The following DLGAP1 variants were observed in gnomAD, a reference collection of about 807,000 sequenced individuals.
DLGAP1 encodes the protein DLG associated protein 1.
Under a neutral mutation model 90.8 loss-of-function variants are expected in DLGAP1, and 11 were observed. The ratio of observed to expected loss-of-function variants is 0.12; its 90% CI spans 0.08 to 0.20. The LOEUF is 0.20. Ranked by LOEUF, DLGAP1 falls within the 10% of genes least tolerant of loss-of-function variation. DLGAP1 has a pLI of 1.00. For synonymous variants in DLGAP1, 558 were observed against 540.7 expected, an observed-to-expected ratio of 1.03 and a Z score of -0.44; for missense variants, 1,050 against 1,333.8, an observed-to-expected ratio of 0.79 and a Z score of 3.31.
At chr18:4,350,745 T>C (rs2081387882) in intron 1 of DLGAP1, among the ~76,000 whole-genome samples, 1 of 152,224 alleles carries the variant, frequency 6.6e-6, no homozygotes, top group Non-Finnish European at 1.5e-5. Flanking sequence ...TTTTGACTTT[T>C]ATTCTATTCT....
chr18:3,561,699 T>C (rs981678992), intron 9 of DLGAP1, among the ~76,000 whole-genome samples: 1 of 151,044 alleles, frequency 6.6e-6, no homozygotes, highest in African/African-American at 2.5e-5. Flanking sequence ...TGTTCTTGCA[T>C]GGTTTCCGAG....
intron 6 of DLGAP1, among the ~76,000 whole-genome samples, chr18:3,731,167 G>A (rs1808797471): frequency 6.6e-6 from 1 of 151,592 alleles, no homozygotes; most frequent in Admixed American, 6.6e-5. Context: ...CAAATGTATG[G>A]GTGTATATAT....
At chr18:4,214,400 T>A (rs1245876821) in intron 1 of DLGAP1, among the ~76,000 whole-genome samples, 1 of 152,114 alleles carries the variant, frequency 6.6e-6, no homozygotes, top group Non-Finnish European at 1.5e-5. Context: ...ATTTTTCCTA[T>A]TCATTCAGCA....
In DLGAP1 at chr18:3,832,823, G is replaced by A. The variant is rs191435801; in HGVS notation, c.958-18550C>T. Among the ~76,000 whole-genome samples, 319 of 152,234 alleles carry A rather than the reference G, an allele frequency of 2.1e-3. 2 individuals carry two copies. Among genetic ancestry groups the A allele is most frequent in the African/African-American group, 6.3e-3 (261 of 41,546 alleles). The stretch of plus-strand genomic sequence containing the variant: ...AAAGTAGGGGCAAGAAGGCCCTTGT[G>A]GGGGATGCAGGGGTGGAAAACGGGA... On this transcript the variant is annotated intron_variant, in intron 4 of 12. Coordinates refer to ENST00000315677, the MANE Select transcript of DLGAP1 (RefSeq NM_004746.4).
At chr18:3,693,561 G>A (rs2060974125) in intron 7 of DLGAP1, among the ~76,000 whole-genome samples, 1 of 152,312 alleles carries the variant, frequency 6.6e-6, no homozygotes, top group South Asian at 2.1e-4. Flanking sequence ...CAGATTAGTG[G>A]TACAGCTTCC....
At chr18:4,388,005 T>C (rs1227822704) in intron 1 of DLGAP1, among the ~76,000 whole-genome samples, 1 of 151,698 alleles carries the variant, frequency 6.6e-6, no homozygotes, top group Non-Finnish European at 1.5e-5. Flanking sequence ...AGTGTCTCTT[T>C]TGCCAAGCTC....
At chr18:4,207,464 A>C (rs1393840737) in intron 1 of DLGAP1, among the ~76,000 whole-genome samples, 2 of 152,166 alleles carry the variant, frequency 1.3e-5, no homozygotes, top group African/African-American at 4.8e-5. Context: ...GGACACAGAA[A>C]AACCATATTA....
rs1444253657 is a variant in DLGAP1, at chr18:3,498,571, T to G, written c.*614A>C. 2.0e-5 allele frequency: 3 copies of G among 152,192 alleles called. No homozygotes were observed. The highest frequency in any genetic ancestry group is 7.2e-5 in the African/African-American group (3 of 41,450). 9.4% of individuals were successfully genotyped at this position (152,192 alleles called of 1,614,324 possible). A position where few individuals can be genotyped will look rare whatever the true frequency, so the allele number is the denominator to read the frequency against. ...GCACCTGCAGATTTCGCTTCTCCCA[T>G]CCTTGCTACACATCCAGGTCCCCCA... On this transcript the variant is annotated 3_prime_UTR_variant, in exon 13 of 13. Coordinates refer to ENST00000315677, the MANE Select transcript of DLGAP1 (RefSeq NM_004746.4).
At chr18:4,083,552 A>T (rs2075642119) in intron 2 of DLGAP1, among the ~76,000 whole-genome samples, 1 of 152,222 alleles carries the variant, frequency 6.6e-6, no homozygotes, top group Admixed American at 6.5e-5. Flanking sequence ...TAGTGAAGCC[A>T]TTCTTACATG....
At chr18:3,890,558 C>CT (rs1413386670) in intron 3 of DLGAP1, among the ~76,000 whole-genome samples, 3 of 152,130 alleles carry the variant, frequency 2.0e-5, no homozygotes, top group South Asian at 2.1e-4. Context: ...ACCCTTTTAA[C>CT]TTTTTTCATT....
intron 1 of DLGAP1, among the ~76,000 whole-genome samples, chr18:4,203,260 G>T (rs1398678459): frequency 7.3e-6 from 1 of 136,852 alleles, no homozygotes; most frequent in East Asian, 2.1e-4. Context: ...GGGCAACAGA[G>T]AGATTAAAAA....
chr18:4,164,764 A>G (rs2076905437), intron 1 of DLGAP1, among the ~76,000 whole-genome samples: 1 of 152,198 alleles, frequency 6.6e-6, no homozygotes, highest in South Asian at 2.1e-4. Context: ...ATGAAAAAAT[A>G]GAGAATTTCA....
intron 1 of DLGAP1, among the ~76,000 whole-genome samples, chr18:4,350,474 CT>C (rs1397144819): frequency 1.4e-4 from 21 of 152,076 alleles, no homozygotes; most frequent in African/African-American, 5.1e-4. Context: ...ATATAATTTT[CT>C]CTTAATTATA....
At chr18:4,448,574 T>G (rs2083727831) in intron 1 of DLGAP1, among the ~76,000 whole-genome samples, 1 of 152,184 alleles carries the variant, frequency 6.6e-6, no homozygotes, top group African/African-American at 2.4e-5. Context: ...ATGTTCGCAT[T>G]CTGTCTCACC....
intron 7 of DLGAP1, among the ~76,000 whole-genome samples, chr18:3,659,690 C>T (rs1299548461): frequency 2.0e-5 from 3 of 152,108 alleles, no homozygotes; most frequent in South Asian, 4.1e-4. Context: ...CTCAGCGTCC[C>T]GAGTAGCTGG....
chr18:4,192,334 T>C (rs1159873787), intron 1 of DLGAP1, among the ~76,000 whole-genome samples: 1 of 152,152 alleles, frequency 6.6e-6, no homozygotes, highest in Admixed American at 6.5e-5. Context: ...GGCTTGTCAA[T>C]GCACACCTTT....
In DLGAP1 at chr18:4,118,197, G is replaced by A. The variant is rs8091567; in HGVS notation, c.-159+32983C>T. On this transcript the variant is annotated intron_variant, in intron 2 of 12. Transcript: ENST00000315677. ...TGTCCTTAAGCATGGAATTCTCCAC[G>A]CTCCATTCCAAATAAAGCCAGCCCC... Among the ~76,000 whole-genome samples, 1,411 of 152,156 alleles carry A rather than the reference G, an allele frequency of 9.3e-3. 21 individuals carry two copies. Among genetic ancestry groups the A allele is most frequent in the Middle Eastern group, 0.034 (10 of 294 alleles).
intron 1 of DLGAP1, among the ~76,000 whole-genome samples, chr18:4,340,155 AATT>A (rs1443725830): frequency 1.3e-5 from 2 of 152,166 alleles, no homozygotes; most frequent in Admixed American, 6.6e-5. Flanking sequence ...AATAACTAAT[AATT>A]ATTAGTTGAA....
At chr18:3,628,043 T>G (rs186432009) in intron 7 of DLGAP1, among the ~76,000 whole-genome samples, 76 of 151,552 alleles carry the variant, frequency 5.0e-4, no homozygotes, top group African/African-American at 1.8e-3. Context: ...ACCTGGCTAA[T>G]TTTTGTATTT....
Sources: gnomAD v4.1 joint callset for allele counts (sites outside exome capture counted in the v4.1 genomes callset) on GRCh38, gnomAD v4.1.1 for gene constraint, MANE v1.5 for transcripts, NCBI Gene and HGNC (gene_info 2026-07-23, HGNC 2026-07-21) for gene names.